ADK: variants seen among roughly 807,000 people sequenced by gnomAD.
ADK encodes the protein adenosine kinase, also known as N6,N6-dimethyladenosine kinase.
In ADK, 24 loss-of-function variants were observed where a neutral mutation model predicts 44.7. The ratio of observed to expected loss-of-function variants is 0.54; its 90% CI spans 0.39 to 0.76. The LOEUF (loss-of-function observed/expected upper bound fraction) is 0.76, where lower values mean the gene tolerates loss of function less well. ADK is among the 30% of genes least tolerant of loss of function. The probability of loss-of-function intolerance (pLI) is 0.00; values close to 1 mark genes in which losing one functional copy is unlikely to be tolerated. For synonymous variants in ADK, 128 were observed against 142.6 expected (o/e 0.90, Z 0.73); for missense variants, 321 against 425.1 (o/e 0.76, Z 2.15).
At chr10:74,306,312 C>T (rs892474110) in intron 3 of ADK, among the ~76,000 whole-genome samples, 1 of 151,896 alleles carries the variant, frequency 6.6e-6, no homozygotes, top group Non-Finnish European at 1.5e-5. Context: ...TCTTTATCTT[C>T]TGTTTCTTTG....
At chr10:74,229,256 T>C (rs1037741949) in intron 3 of ADK, among the ~76,000 whole-genome samples, 5 of 152,262 alleles carry the variant, frequency 3.3e-5, no homozygotes, top group African/African-American at 1.2e-4. Flanking sequence ...GCTCAGGATA[T>C]GATCTTTGGT....
chr10:74,391,652 T>TACACAC (rs71475280), intron 4 of ADK, among the ~76,000 whole-genome samples: 2,010 of 74,210 alleles, frequency 0.027, 27 homozygotes, highest in East Asian at 0.031. Flanking sequence ...GGCAAGAATA[T>TACACAC]ACACACACAC....
chr10:74,178,386 A>G (rs1260746093), intron 1 of ADK, among the ~76,000 whole-genome samples: 1 of 152,222 alleles, frequency 6.6e-6, no homozygotes, highest in African/African-American at 2.4e-5. Context: ...TTTAAAGCTA[A>G]CAGTATTTTA....
At chr10:74,571,189 C>G (rs977202658) in intron 7 of ADK, among the ~76,000 whole-genome samples, 46 of 152,168 alleles carry the variant, frequency 3.0e-4, no homozygotes, top group African/African-American at 1.1e-3. Context: ...ATTCGGTTTG[C>G]CAGTATTTTA....
intron 4 of ADK, among the ~76,000 whole-genome samples, chr10:74,380,757 C>A (rs768178894): frequency 4.5e-4 from 67 of 148,862 alleles, no homozygotes; most frequent in South Asian, 1.1e-3. Context: ...GACCCTGTCT[C>A]AAAAAAAAAC....
chr10:74,704,717 ATGAGCTTTTTC>A (rs776414603), intron 10 of ADK, among the ~76,000 whole-genome samples: 2 of 152,230 alleles, frequency 1.3e-5, no homozygotes, highest in Non-Finnish European at 2.9e-5. Context: ...TTTCATAAAC[ATGAGCTTTTTC>A]TTTTTCTCAC....
rs1372496569 is a variant in ADK at position 74,151,241 on chromosome 10, G to A, written c.-38G>A. 1.9e-6 allele frequency: 3 copies of A among 1,548,642 alleles called. No individual in the cohort carries two copies. Among genetic ancestry groups the A allele is most frequent in the Middle Eastern group, 2.3e-4 (1 of 4,426 alleles). On this transcript the variant is annotated 5_prime_UTR_variant, in exon 1 of 11. Coordinates refer to ENST00000539909, the MANE Select transcript of ADK (RefSeq NM_006721.4). ...GCGGGACCAGAGAGTGGATGGCAGA[G>A]GTGGGCTGTAGAGCCAAAGTGGGGT... is the stretch of plus-strand genomic sequence containing the variant.
At chr10:74,478,873 A>G (rs552843256) in intron 6 of ADK, among the ~76,000 whole-genome samples, 2 of 152,192 alleles carry the variant, frequency 1.3e-5, no homozygotes, top group Admixed American at 6.5e-5. Flanking sequence ...GATTCGTTTC[A>G]CATTTTGAAT....
At chr10:74,265,813 A>G (rs893110585) in intron 3 of ADK, among the ~76,000 whole-genome samples, 3 of 152,202 alleles carry the variant, frequency 2.0e-5, no homozygotes, top group Non-Finnish European at 2.9e-5. Flanking sequence ...TATGGGTCAT[A>G]TGGGTAGTAA....
At chr10:74,440,504 AAATT>A (rs1037611929) in intron 6 of ADK, among the ~76,000 whole-genome samples, 4 of 152,194 alleles carry the variant, frequency 2.6e-5, no homozygotes, top group African/African-American at 9.6e-5. Context: ...TACAATTAAT[AAATT>A]AAGTTAGGCT....
At chr10:74,481,594 A>G (rs1401178134) in intron 6 of ADK, among the ~76,000 whole-genome samples, 1 of 152,094 alleles carries the variant, frequency 6.6e-6, no homozygotes, top group Non-Finnish European at 1.5e-5. Flanking sequence ...AATAGGGATA[A>G]TTGCTTCATG....
chr10:74,201,701 TATC>T (rs1843399180), intron 2 of ADK, among the ~76,000 whole-genome samples: 1 of 148,430 alleles, frequency 6.7e-6, no homozygotes, highest in Non-Finnish European at 1.5e-5. Context: ...TCTATCTATC[TATC>T]TATCTATCTA....
In ADK at chr10:74,503,699, CAT is replaced by C. The variant is rs148340426; in HGVS notation, c.556-21554_556-21553del. ...GGGCAGAAAAATTATTATTTATACA[CAT>C]ATTAGGGAAGTAAAGAGCTAATTTT... On this transcript the variant is annotated intron_variant, in intron 6 of 10. Coordinates refer to ENST00000539909, the MANE Select transcript of ADK (RefSeq NM_006721.4). Among the ~76,000 whole-genome samples the C allele has an allele frequency of 4.7e-3, 718 of 152,168 alleles. 7 individuals carry two copies. The highest frequency in any genetic ancestry group is 0.017 in the African/African-American group (685 of 41,504).
chr10:74,572,895 T>C (rs2133862863), intron 7 of ADK, among the ~76,000 whole-genome samples: 1 of 152,330 alleles, frequency 6.6e-6, no homozygotes, highest in Non-Finnish European at 1.5e-5. Context: ...ATTCTAGTTA[T>C]ATATTCATCT....
chr10:74,324,015 A>G (rs1382413297), intron 4 of ADK, among the ~76,000 whole-genome samples: 1 of 151,640 alleles, frequency 6.6e-6, no homozygotes, highest in African/African-American at 2.4e-5. Context: ...AGGTTTGCCT[A>G]TTCTAGACAA....
intron 6 of ADK, among the ~76,000 whole-genome samples, chr10:74,416,711 A>G (rs112983045): frequency 6.6e-6 from 1 of 151,412 alleles, no homozygotes; most frequent in African/African-American, 2.4e-5. Flanking sequence ...CTAACTAATC[A>G]TTTTTTGTAT....
intron 9 of ADK, among the ~76,000 whole-genome samples, chr10:74,653,630 T>G (rs1368233016): frequency 2.0e-5 from 3 of 152,218 alleles, no homozygotes; most frequent in Non-Finnish European, 4.4e-5. Flanking sequence ...ATTAACCATA[T>G]GTTACACATT....
At chr10:74,270,310 GCTAGCATAAACACATTTTTC>G (rs1393786094) in intron 3 of ADK, among the ~76,000 whole-genome samples, 1 of 152,156 alleles carries the variant, frequency 6.6e-6, no homozygotes, top group African/African-American at 2.4e-5. Flanking sequence ...CCCAGTATTT[GCTAGCATAAACACATTTTTC>G]TGGAAAATAA....
intron 6 of ADK, among the ~76,000 whole-genome samples, chr10:74,469,862 C>T (rs1846497857): frequency 6.6e-6 from 1 of 152,106 alleles, no homozygotes; most frequent in Non-Finnish European, 1.5e-5. Flanking sequence ...TTAGATATTT[C>T]ATGTAAGTAG....
Sources: allele counts gnomAD v4.1 joint callset (sites outside exome capture counted in the v4.1 genomes callset), GRCh38; gene constraint gnomAD v4.1.1; transcripts MANE v1.5; gene names NCBI Gene and HGNC (gene_info 2026-07-23, HGNC 2026-07-21).